CSMD3: variants seen among roughly 807,000 people sequenced by gnomAD.
The protein encoded by CSMD3 is CUB and Sushi multiple domains 3, also known as CUB and sushi domain-containing protein 3.
CSMD3 carries 177 observed loss-of-function variants against 435.2 expected under a neutral mutation model. That is an observed-to-expected ratio of 0.41 (90% CI 0.36 to 0.46). The LOEUF (loss-of-function observed/expected upper bound fraction) is 0.46, where lower values mean the gene tolerates loss of function less well. Among genes scored for constraint, CSMD3 ranks in the 20% least tolerant of loss-of-function variants. The pLI, the probability that CSMD3 is intolerant of heterozygous loss-of-function variation, is 0.34. For missense variants in CSMD3, 4,265 were observed against 4,504.6 expected (o/e 0.95, Z 1.52); for synonymous variants, 1,656 against 1,520.5 (o/e 1.09, Z -2.07).
rs1026041897 is a variant in CSMD3, at chr8:112,352,643, C to T, written c.6137-109G>A. On this transcript the variant is annotated intron_variant, in intron 38 of 70. Transcript: ENST00000297405. ...TATCAGTGTCTCATCAAACTAGATA[C>T]TATATTGAGACGTTGAGAACGTTCT... 2.7e-5 allele frequency: 26 copies of T among 951,472 alleles called. No individual in the cohort carries two copies. In the East Asian group the frequency reaches 6.3e-4, roughly 23 times the overall value. The allele number at this position is 951,472 out of a possible 1,614,324, so 58.9% of individuals were successfully genotyped here.
chr8:112,401,903 T>A (rs546068858), intron 35 of CSMD3, among the ~76,000 whole-genome samples: 55 of 152,286 alleles, frequency 3.6e-4, no homozygotes, highest in Non-Finnish European at 7.1e-4. Context: ...ATAATAACTT[T>A]AAATTGTTTT....
In CSMD3 at chr8:112,409,158, T is replaced by C. The variant is rs545031161; in HGVS notation, c.5396-126A>G. ...ATTACAATATAATAGTCATTTTTTT[T>C]CTACCTAAAAGAGGATAGGTGCCAA... is the stretch of plus-strand genomic sequence containing the variant. On this transcript the variant is annotated intron_variant, in intron 32 of 70. Coordinates refer to ENST00000297405, the MANE Select transcript of CSMD3 (RefSeq NM_198123.2). 1,874 of 1,513,548 alleles carry C rather than the reference T, an allele frequency of 1.2e-3. 44 individuals carry two copies. In the South Asian group the frequency reaches 0.022, roughly 18 times the overall value. 93.8% of individuals were successfully genotyped at this position (1,513,548 alleles called of 1,614,324 possible). A position where few individuals can be genotyped will look rare whatever the true frequency, so the allele number is the denominator to read the frequency against.
At chr8:113,126,599 T>C (rs2091138331) in intron 4 of CSMD3, among the ~76,000 whole-genome samples, 1 of 151,812 alleles carries the variant, frequency 6.6e-6, no homozygotes. Flanking sequence ...GAGAATACAA[T>C]TTGAGACAGA....
intron 39 of CSMD3, 58 bp from the exon 40 acceptor site, chr8:112,351,302 T>C (rs1287790504): frequency 7.4e-6 from 8 of 1,087,546 alleles, no homozygotes; most frequent in Admixed American, 3.4e-5. Flanking sequence ...AAATTTATTG[T>C]AGCATAGTCA....
chr8:112,770,178 G>C (rs1244617315), intron 13 of CSMD3, among the ~76,000 whole-genome samples: 3 of 151,906 alleles, frequency 2.0e-5, no homozygotes, highest in Non-Finnish European at 4.4e-5. Flanking sequence ...GTAAACTGTT[G>C]CTATGTTTTG....
At chr8:113,007,668 G>A (rs1188832139) in intron 6 of CSMD3, among the ~76,000 whole-genome samples, 1 of 151,886 alleles carries the variant, frequency 6.6e-6, no homozygotes, top group African/African-American at 2.4e-5. Context: ...ACCTAACCGA[G>A]TTTTAATCCT....
chr8:113,062,328 C>T (rs544640172), intron 5 of CSMD3, among the ~76,000 whole-genome samples: 4 of 151,834 alleles, frequency 2.6e-5, no homozygotes, highest in East Asian at 1.9e-4. Flanking sequence ...ATGAACTGCT[C>T]GGAACAAAAT....
At chr8:113,254,908 G>A (rs2093366865) in intron 3 of CSMD3, among the ~76,000 whole-genome samples, 1 of 151,966 alleles carries the variant, frequency 6.6e-6, no homozygotes, top group Non-Finnish European at 1.5e-5. Flanking sequence ...ATTTATCTAA[G>A]TAGATATTCA....
At chr8:112,985,756 T>C (rs1337640281) in intron 6 of CSMD3, among the ~76,000 whole-genome samples, 1 of 152,106 alleles carries the variant, frequency 6.6e-6, no homozygotes, top group Admixed American at 6.6e-5. Flanking sequence ...GAGATCTAGG[T>C]TGCAAACTCC....
intron 13 of CSMD3, among the ~76,000 whole-genome samples, chr8:112,781,882 C>G (rs2078397457): frequency 6.6e-6 from 1 of 152,128 alleles, no homozygotes; most frequent in South Asian, 2.1e-4. Context: ...CTTGGGGTGC[C>G]CCTTAATGCG....
At chr8:112,985,028 A>ATAGATAGATAGATAGC (rs2085203428) in intron 6 of CSMD3, among the ~76,000 whole-genome samples, 1 of 151,992 alleles carries the variant, frequency 6.6e-6, no homozygotes. Context: ...AGATAGATAG[A>ATAGATAGATAGATAGC]TAGATAGATA....
chr8:112,840,322 G>A (rs1033906448), intron 11 of CSMD3, among the ~76,000 whole-genome samples: 24 of 151,672 alleles, frequency 1.6e-4, no homozygotes, highest in African/African-American at 3.4e-4. Flanking sequence ...TCCATTTCAC[G>A]AACTCAAGAT....
At chr8:113,019,694 T>C (rs1484168310) in intron 5 of CSMD3, among the ~76,000 whole-genome samples, 1 of 151,868 alleles carries the variant, frequency 6.6e-6, no homozygotes. Context: ...TAAATTGATA[T>C]CCTTATTTCC....
chr8:112,523,331 A>T (rs1342984045), intron 27 of CSMD3, among the ~76,000 whole-genome samples: 1 of 152,014 alleles, frequency 6.6e-6, no homozygotes, highest in African/African-American at 2.4e-5. Context: ...AAAATATTAA[A>T]TTTTTATTCT....
At chr8:112,336,523 C>A in intron 44 of CSMD3, 129 bp downstream of exon 44, 1 of 770,924 alleles carries the variant, frequency 1.3e-6, no homozygotes, top group Non-Finnish European at 2.2e-6. Flanking sequence ...ATACTGTCAC[C>A]CTCAGTTACT....
chr8:112,795,344 A>G (rs904929821), intron 13 of CSMD3, among the ~76,000 whole-genome samples: 21 of 152,212 alleles, frequency 1.4e-4, no homozygotes, highest in African/African-American at 4.1e-4. Flanking sequence ...AATACAGTTA[A>G]AGGAGAGACA....
chr8:112,352,593 T>C, intron 38 of CSMD3, 59 bp from the exon 39 acceptor site: 1 of 1,440,864 alleles, frequency 6.9e-7, no homozygotes, highest in East Asian at 2.3e-5. Flanking sequence ...GCTTAAGTTA[T>C]GCATATTAAG....
At chr8:112,407,606 G>A (rs1309302076) in intron 34 of CSMD3, among the ~76,000 whole-genome samples, 1 of 152,002 alleles carries the variant, frequency 6.6e-6, no homozygotes, top group East Asian at 1.9e-4. Flanking sequence ...ACATAAAAGA[G>A]TACAGGATTA....
At chr8:113,086,646 C>T (rs189830539) in intron 5 of CSMD3, among the ~76,000 whole-genome samples, 190 of 152,192 alleles carry the variant, frequency 1.2e-3, no homozygotes, top group African/African-American at 4.5e-3. Flanking sequence ...CTGAGTATAA[C>T]AGTGCTGAGT....
Sources: gnomAD v4.1 joint callset for allele counts (sites outside exome capture counted in the v4.1 genomes callset) on GRCh38, gnomAD v4.1.1 for gene constraint, MANE v1.5 for transcripts, NCBI Gene and HGNC (gene_info 2026-07-23, HGNC 2026-07-21) for gene names.